The following SPTLC3 variants were observed in gnomAD, a reference collection of about 807,000 sequenced individuals.
The protein encoded by SPTLC3 is serine palmitoyltransferase 3.
A neutral mutation model predicts 59.3 loss-of-function variants in SPTLC3; 36 were observed. That is an observed-to-expected ratio of 0.61 (90% CI 0.47 to 0.80). The LOEUF (loss-of-function observed/expected upper bound fraction) is 0.80. Ranked by LOEUF, SPTLC3 falls within the 30% of genes least tolerant of loss-of-function variation. SPTLC3 has a pLI of 0.00. For synonymous variants in SPTLC3, 257 were observed against 240.8 expected (o/e 1.07, Z -0.62); for missense variants, 625 against 685.1 (o/e 0.91, Z 0.98).
chr20:13,052,297 G>A (rs1987528764), intron 2 of SPTLC3, among the ~76,000 whole-genome samples: 1 of 152,138 alleles, frequency 6.6e-6, no homozygotes, highest in African/African-American at 2.4e-5. Context: ...CCTAGCCAAG[G>A]GAAGCCCTGA....
Position 13,064,261 on chromosome 20 carries a change from TTTTCC to T in SPTLC3, c.304-7991_304-7987del, listed in dbSNP as rs1249057400. ...TTAATTAAATAGTTCTTTTTTTTCT[TTTTCC>T]TTTTCTTTTTTTTTTTTGTTTTGTT... On this transcript the variant is annotated intron_variant, in intron 2 of 11. Transcript: ENST00000399002. Among the ~76,000 whole-genome samples, 5 of 66,484 alleles carry T rather than the reference TTTTCC, an allele frequency of 7.5e-5. No individual in the cohort carries two copies. The East Asian group carries it at 1.2e-3, about 16-fold the overall frequency. The allele number at this position is 66,484 out of a possible 152,430, so 43.6% of individuals were successfully genotyped here. A position where few individuals can be genotyped will look rare whatever the true frequency, so the allele number is the denominator to read the frequency against.
intron 2 of SPTLC3, among the ~76,000 whole-genome samples, chr20:13,057,842 T>C (rs1487040771): frequency 6.6e-6 from 1 of 152,194 alleles, no homozygotes. Context: ...ATTTTTGCAA[T>C]GATGTAACAG....
chr20:13,083,132 G>A (rs1025115345), intron 4 of SPTLC3, among the ~76,000 whole-genome samples: 3 of 152,106 alleles, frequency 2.0e-5, no homozygotes, highest in Admixed American at 1.3e-4. Flanking sequence ...ACCTAAATAC[G>A]TGACCTGACT....
rs1342382578 is a variant in SPTLC3, at chr20:13,067,087, A to ACTTC, written c.304-5169_304-5168insCTTC. Among the ~76,000 whole-genome samples the ACTTC allele has an allele frequency of 2.3e-3, 28 of 12,030 alleles. 8 individuals are homozygous for ACTTC. Among genetic ancestry groups the ACTTC allele is most frequent in the African/African-American group, 0.016 (28 of 1,786 alleles). The allele number at this position is 12,030 out of a possible 152,430, so 7.9% of individuals were successfully genotyped here. A position where few individuals can be genotyped will look rare whatever the true frequency, so the allele number is the denominator to read the frequency against. ...TATATATATATATATATATATATAT[A>ACTTC]TATATATATATATATGTATTCATGT... is the stretch of plus-strand genomic sequence containing the variant. On this transcript the variant is annotated intron_variant, in intron 2 of 11. Transcript: ENST00000399002.
chr20:13,073,871 ATT>A, intron 3 of SPTLC3: 4 of 539,952 alleles, frequency 7.4e-6, no homozygotes, highest in South Asian at 6.5e-5. Context: ...TCTTTAATAA[ATT>A]CTTTATAGGA....
chr20:13,072,188 T>C (rs769703715), intron 2 of SPTLC3, 68 bp from the exon 3 acceptor site: 17 of 1,510,628 alleles, frequency 1.1e-5, no homozygotes, highest in Admixed American at 2.1e-5. Flanking sequence ...TCTTCTTCCC[T>C]GCTTCAATTG....
chr20:13,089,809 A>AAAAAAT, intron 4 of SPTLC3, among the ~76,000 whole-genome samples: 1 of 151,216 alleles, frequency 6.6e-6, no homozygotes, highest in Non-Finnish European at 1.5e-5. Flanking sequence ...AAAAAACAAA[A>AAAAAAT]CAATGTGCTA....
At chr20:13,069,165 C>G (rs954112463) in intron 2 of SPTLC3, among the ~76,000 whole-genome samples, 1 of 152,134 alleles carries the variant, frequency 6.6e-6, no homozygotes, top group Non-Finnish European at 1.5e-5. Context: ...CCCTAGTTTT[C>G]CATATCACGG....
At chr20:13,118,122 T>C (rs1202229428) in intron 8 of SPTLC3, among the ~76,000 whole-genome samples, 1 of 152,052 alleles carries the variant, frequency 6.6e-6, no homozygotes, top group Non-Finnish European at 1.5e-5. Flanking sequence ...CCAGAAGTGA[T>C]AAGGGATGTT....
chr20:13,114,160 T>C (rs1990403535), intron 7 of SPTLC3, among the ~76,000 whole-genome samples: 1 of 152,250 alleles, frequency 6.6e-6, no homozygotes, highest in African/African-American at 2.4e-5. Context: ...ATTTGACCTT[T>C]ACCATTAACC....
intron 2 of SPTLC3, among the ~76,000 whole-genome samples, chr20:13,070,714 G>A (rs1988404174): frequency 6.6e-6 from 1 of 152,156 alleles, no homozygotes; most frequent in Non-Finnish European, 1.5e-5. Context: ...TGACATTGCA[G>A]CCTCACCCAC....
chr20:13,156,849 G>A (rs2038779958), intron 10 of SPTLC3, among the ~76,000 whole-genome samples: 1 of 152,058 alleles, frequency 6.6e-6, no homozygotes, highest in African/African-American at 2.4e-5. Flanking sequence ...CGGTTGCATG[G>A]CTCTCCAAAA....
chr20:13,088,784 A>ATTTTTTTTTTTTTTTTTTTTTT (rs375680092), intron 4 of SPTLC3, among the ~76,000 whole-genome samples: 4 of 111,888 alleles, frequency 3.6e-5, no homozygotes, highest in Non-Finnish European at 5.0e-5. Context: ...GCACCCGGCT[A>ATTTTTTTTTTTTTTTTTTTTTT]TTTTTTTTTT....
chr20:13,104,879 A>G (rs575168254), intron 6 of SPTLC3, among the ~76,000 whole-genome samples: 16 of 152,216 alleles, frequency 1.1e-4, no homozygotes, highest in Non-Finnish European at 2.2e-4. Context: ...AACTTTTTTT[A>G]ACAAAACTTC....
chr20:13,117,861 G>A, intron 8 of SPTLC3, 136 bp downstream of exon 8: 1 of 766,932 alleles, frequency 1.3e-6, no homozygotes, highest in Non-Finnish European at 2.0e-6. Flanking sequence ...TGGCTACAGT[G>A]GGTTCACAGC....
chr20:13,024,018 C>T (rs1986022689), intron 1 of SPTLC3, among the ~76,000 whole-genome samples: 1 of 152,100 alleles, frequency 6.6e-6, no homozygotes, highest in African/African-American at 2.4e-5. Context: ...ATGAATGACC[C>T]ATATATGAGA....
chr20:13,048,165 C>G (rs1487911132), intron 1 of SPTLC3, among the ~76,000 whole-genome samples: 1 of 151,678 alleles, frequency 6.6e-6, no homozygotes, highest in Non-Finnish European at 1.5e-5. Context: ...TACAGGAGCA[C>G]CCAGATTAAA....
At chr20:13,061,958 A>G (rs1987993724) in intron 2 of SPTLC3, among the ~76,000 whole-genome samples, 1 of 152,098 alleles carries the variant, frequency 6.6e-6, no homozygotes, top group Non-Finnish European at 1.5e-5. Context: ...TGCAGAACGC[A>G]GCCTCTCTTA....
At chr20:13,022,256 A>G (rs1985923509) in intron 1 of SPTLC3, among the ~76,000 whole-genome samples, 1 of 152,110 alleles carries the variant, frequency 6.6e-6, no homozygotes, top group Non-Finnish European at 1.5e-5. Context: ...CACATCTAGA[A>G]TCTGACCACT....
Sources: gnomAD v4.1 joint callset for allele counts (sites outside exome capture counted in the v4.1 genomes callset) on GRCh38, gnomAD v4.1.1 for gene constraint, MANE v1.5 for transcripts, NCBI Gene and HGNC (gene_info 2026-07-23, HGNC 2026-07-21) for gene names.